The following ABCA3 variants were observed in gnomAD, a reference collection of about 807,000 sequenced individuals.
ABCA3 encodes ATP binding cassette subfamily A member 3.
In ABCA3, 88 loss-of-function variants were observed where a neutral mutation model predicts 172.8. The observed-to-expected ratio is 0.51, with a 90% confidence interval of 0.43 to 0.61. The LOEUF (loss-of-function observed/expected upper bound fraction) is 0.61. Ranked by LOEUF, ABCA3 falls within the 20% of genes least tolerant of loss-of-function variation. The pLI, the probability that ABCA3 is intolerant of heterozygous loss-of-function variation, is 0.00. For synonymous variants in ABCA3, 1,066 were observed against 983.8 expected (o/e 1.08, Z -1.56); for missense variants, 2,164 against 2,301.0 (o/e 0.94, Z 1.22).
chr16:2,289,846 G>A (rs1253209181), intron 19 of ABCA3, among the ~76,000 whole-genome samples: 2 of 152,066 alleles, frequency 1.3e-5, no homozygotes, highest in Non-Finnish European at 2.9e-5. Context: ...AGGCTGATCT[G>A]GAACTCCTGA....
At chr16:2,334,197 A>C (rs922526021) in intron 1 of ABCA3, among the ~76,000 whole-genome samples, 4 of 152,120 alleles carry the variant, frequency 2.6e-5, no homozygotes, top group African/African-American at 7.2e-5. Flanking sequence ...TGAATGACTC[A>C]TTAGTTGGGA....
rs1483989748 is a variant in ABCA3, at chr16:2,283,540, G to A, written c.3863-182C>T. On this transcript the variant is annotated intron_variant, in intron 25 of 32. Transcript: ENST00000301732. The surrounding 1 kb of genome is among the most constrained non-coding windows in gnomAD (Gnocchi z 5.4). ...TCGAGGCACCACAGCTCAGAGAGGG[G>A]CCAGGCACGTAACAATCCAATGCAG... is the stretch of plus-strand genomic sequence containing the variant. 8 of 663,248 alleles carry A rather than the reference G, an allele frequency of 1.2e-5. No homozygotes were observed. The East Asian group carries it at 1.7e-4, about 14-fold the overall frequency. 41.1% of individuals were successfully genotyped at this position (663,248 alleles called of 1,614,324 possible).
At chr16:2,338,067 G>A (rs2141754477) in intron 1 of ABCA3, among the ~76,000 whole-genome samples, 1 of 152,280 alleles carries the variant, frequency 6.6e-6, no homozygotes, top group East Asian at 1.9e-4. Context: ...TAGCTGTTCT[G>A]CCTCCCTAGG....
rs1213306434 is a variant in ABCA3, at chr16:2,281,342, A to C, written c.4164+39T>G. Reference sequence around the variant, plus strand: ...GGACCCTGGGGACAGCCAGGTAGTCAGCTGGCAGGAAGGACTCCACCCCAA... The same window carrying C: ...GGACCCTGGGGACAGCCAGGTAGTCCGCTGGCAGGAAGGACTCCACCCCAA... On this transcript the variant is annotated intron_variant, in intron 27 of 32. Transcript: ENST00000301732. The surrounding 1 kb of genome is among the most constrained non-coding windows in gnomAD (Gnocchi z 4.7). The C allele has an allele frequency of 6.2e-7, 1 of 1,613,450 alleles. No individual in the cohort carries two copies. The highest frequency in any genetic ancestry group is 1.1e-5 in the South Asian group (1 of 91,084).
chr16:2,289,628 G>C lies in ABCA3; in HGVS notation c.2514-8C>G, dbSNP rs45502600. 29 of 1,547,950 alleles carry C rather than the reference G, an allele frequency of 1.9e-5. No homozygotes were observed. The highest frequency in any genetic ancestry group is 2.4e-5 in the Non-Finnish European group (27 of 1,147,114). On this transcript the variant is annotated splice_region_variant and splice_polypyrimidine_tract_variant and intron_variant, in intron 19 of 32. Transcript: ENST00000301732. ...TCCACCAGCTTCCCGACCCTGTGCC[G>C]ATACACACAGGGACCGGTCAGGACC...
At chr16:2,318,995 A>G (rs1400772923) in intron 8 of ABCA3, among the ~76,000 whole-genome samples, 1 of 150,628 alleles carries the variant, frequency 6.6e-6, no homozygotes, top group African/African-American at 2.4e-5. Context: ...CCCACTGCTG[A>G]CTCCCTCAAT....
At chr16:2,292,339 C>G (rs543407799) in intron 18 of ABCA3, 101 bp from the exon 19 acceptor site, 4 of 970,976 alleles carry the variant, frequency 4.1e-6, no homozygotes, top group African/African-American at 3.2e-5. Context: ...GTGCCTCACA[C>G]CTGTAACCCC....
At chr16:2,323,389 A>G (rs2093729055) in intron 7 of ABCA3, 134 bp downstream of exon 7, 4 of 1,165,690 alleles carry the variant, frequency 3.4e-6, no homozygotes, top group Non-Finnish European at 3.8e-6. Context: ...ACAACAGCAA[A>G]GACTTGGAAC....
chr16:2,311,172 C>T (rs2093706108), intron 10 of ABCA3, among the ~76,000 whole-genome samples: 1 of 151,850 alleles, frequency 6.6e-6, no homozygotes, highest in South Asian at 2.1e-4. Context: ...CGGGGTTTCA[C>T]CATGTTGGCC....
chr16:2,313,552 C>CAAAAAA (rs56389139), intron 10 of ABCA3, among the ~76,000 whole-genome samples: 1 of 61,898 alleles, frequency 1.6e-5, no homozygotes, highest in Non-Finnish European at 3.0e-5. Flanking sequence ...GACTCTGTCA[C>CAAAAAA]AAAAAAAAAA....
At position 2,315,238 on chromosome 16, in the gene ABCA3, A is replaced by ACACG. The variant is rs1470966414; in HGVS notation, c.1111+2044_1111+2045insCGTG. Among the ~76,000 whole-genome samples the ACACG allele has an allele frequency of 7.7e-3, 1,166 of 151,324 alleles. 30 individuals carry two copies. Among genetic ancestry groups the ACACG allele is most frequent in the African/African-American group, 0.023 (957 of 41,206 alleles). On this transcript the variant is annotated intron_variant, in intron 10 of 32. Coordinates refer to ENST00000301732, the MANE Select transcript of ABCA3 (RefSeq NM_001089.3). ...CACACACACACACACACACACACACACACACAGCAAAGTCTGATGAGATAT... is the reference window on the plus strand; with the variant it reads ...CACACACACACACACACACACACACACACGCACACAGCAAAGTCTGATGAGATAT...
intron 10 of ABCA3, among the ~76,000 whole-genome samples, chr16:2,315,828 TAATTTTTA>T (rs2093714447): frequency 1.4e-5 from 2 of 147,818 alleles, no homozygotes; most frequent in Non-Finnish European, 3.0e-5. Context: ...CACACCTGGC[TAATTTTTA>T]AACTTTTTTT....
chr16:2,320,992 T>C (rs1267005487), intron 7 of ABCA3, among the ~76,000 whole-genome samples: 1 of 151,736 alleles, frequency 6.6e-6, no homozygotes, highest in African/African-American at 2.4e-5. Context: ...GTGCTTTTTT[T>C]TTTTTTTTTT....
At position 2,297,473 on chromosome 16, in the gene ABCA3, G is replaced by A. The variant is rs147341939; in HGVS notation, c.2119C>T (p.Leu707Phe). 328 of 1,613,754 alleles carry A rather than the reference G, an allele frequency of 2.0e-4. 2 individuals are homozygous for A. In the African/African-American group the frequency reaches 3.8e-3, roughly 19 times the overall value. ...GTGCGGTCACTTTTCTGCCGCTGAA[G>A]AAGATCCCAGATGGCCCTCCTGGAG... ...AISRRAIWDLLQRQKSDRTIV... is the reference protein window; with the variant it reads ...AISRRAIWDLFQRQKSDRTIV... Residue 707 changes from leucine (L) to phenylalanine (F), a missense_variant, in exon 17 of 33, where the codon CTT becomes TTT. Physicochemically the swap from Leu to Phe is conservative, Grantham distance 22. This residue lies in a region of ABCA3 where 1,343 missense variants were observed against 1,369.6 expected (regional missense o/e 0.98). Coordinates refer to ENST00000301732, the MANE Select transcript of ABCA3 (RefSeq NM_001089.3). The surrounding 1 kb of genome is among the most constrained non-coding windows in gnomAD (Gnocchi z 5.6).
Position 2,283,953 on chromosome 16 carries a change from G to A in ABCA3, c.3862+326C>T. On this transcript the variant is annotated intron_variant, in intron 25 of 32. Transcript: ENST00000301732. The surrounding 1 kb of genome is among the most constrained non-coding windows in gnomAD (Gnocchi z 5.4). ...GTGCAGCCAGGAGCTCAGGATGCCTGGAGCCTCCAGGAGATGGGAGAAGCA... is the reference window on the plus strand; with the variant it reads ...GTGCAGCCAGGAGCTCAGGATGCCTAGAGCCTCCAGGAGATGGGAGAAGCA... The A allele has an allele frequency of 3.4e-6, 1 of 294,802 alleles. No homozygotes were observed. Among genetic ancestry groups the A allele is most frequent in the Middle Eastern group, 1.1e-3 (1 of 882 alleles). 18.3% of individuals were successfully genotyped at this position (294,802 alleles called of 1,614,324 possible). A position where few individuals can be genotyped will look rare whatever the true frequency, so the allele number is the denominator to read the frequency against.
rs2093650206 is a variant in ABCA3, at chr16:2,278,522, C to T, written c.4548-64G>A. On this transcript the variant is annotated intron_variant, in intron 29 of 32. Transcript: ENST00000301732. The surrounding 1 kb of genome is among the most constrained non-coding windows in gnomAD (Gnocchi z 4.4). ...AGAGTTAGCATTGGCTCCCATGTCC[C>T]AGTGGAGGCCCGTGTCCCAGCAGCG... The T allele has an allele frequency of 1.7e-5, 27 of 1,585,212 alleles. No individual in the cohort carries two copies. The highest frequency in any genetic ancestry group is 2.3e-5 in the Non-Finnish European group (27 of 1,166,746).
rs2093651010 is a variant in ABCA3 at position 2,278,989 on chromosome 16, C to T, written c.4501G>A (p.Gly1501Ser). The change falls in exon 29 of 33, where the codon GGC becomes AGC. Residue 1501 changes from glycine to serine, a missense_variant. Coordinates refer to ENST00000301732, the MANE Select transcript of ABCA3 (RefSeq NM_001089.3). The surrounding 1 kb of genome is among the most constrained non-coding windows in gnomAD (Gnocchi z 4.4). ...IGACVENTLR[G>S]LLLEPHANKL... ...TTGGCATGTGGCTCCAGCAGCAGGCCCCGCAGAGTGTTCTCCACGCAGGCC... is the reference window on the plus strand; with the variant it reads ...TTGGCATGTGGCTCCAGCAGCAGGCTCCGCAGAGTGTTCTCCACGCAGGCC... 6.2e-7 allele frequency: 1 copy of T among 1,613,568 alleles called. No homozygotes were observed.
chr16:2,324,556 GTGGTTGCCCAA>G, intron 5 of ABCA3, 25 bp from the exon 6 acceptor site: 1 of 1,606,976 alleles, frequency 6.2e-7, no homozygotes, highest in Non-Finnish European at 8.5e-7. Context: ...CACGGGAGCT[GTGGTTGCCCAA>G]TCGGCCCTCC....
At chr16:2,309,915 C>T (rs1016841297) in intron 10 of ABCA3, among the ~76,000 whole-genome samples, 1 of 152,142 alleles carries the variant, frequency 6.6e-6, no homozygotes, top group Non-Finnish European at 1.5e-5. Context: ...CCACCGTGCC[C>T]AGCCATCAAA....
Sources: allele counts gnomAD v4.1 joint callset (sites outside exome capture counted in the v4.1 genomes callset), GRCh38; gene constraint gnomAD v4.1.1; regional missense constraint gnomAD v4.1.1; non-coding constraint Gnocchi (gnomAD v3.1); transcripts MANE v1.5; gene names NCBI Gene and HGNC (gene_info 2026-07-23, HGNC 2026-07-21).